Variants in MS4A4A observed in about 807,000 individuals in gnomAD.
MS4A4A encodes the protein membrane spanning 4-domains A4A, also known as membrane-spanning 4-domains subfamily A member 4A.
Under a neutral mutation model 28.0 loss-of-function variants are expected in MS4A4A, and 26 were observed. The ratio of observed to expected loss-of-function variants is 0.93; its 90% CI spans 0.68 to 1.29. MS4A4A has a LOEUF of 1.29. MS4A4A is among the 50% of genes most tolerant of loss of function. The probability of loss-of-function intolerance (pLI) is 0.00; values close to 1 mark genes in which losing one functional copy is unlikely to be tolerated. For missense variants in MS4A4A, 290 were observed against 293.1 expected, an observed-to-expected ratio of 0.99 and a Z score of 0.08; for synonymous variants, 86 against 100.8, an observed-to-expected ratio of 0.85 and a Z score of 0.88.
At chr11:60,280,918 G>T (rs926255681) in intron 1 of MS4A4A, among the ~76,000 whole-genome samples, 1 of 152,090 alleles carries the variant, frequency 6.6e-6, no homozygotes, top group African/African-American at 2.4e-5. Flanking sequence ...TGCTACAGTC[G>T]ATAGGAGTTA....
chr11:60,296,982 G>A (rs2084910897), intron 2 of MS4A4A: 6 of 538,736 alleles, frequency 1.1e-5, no homozygotes, highest in Admixed American at 6.8e-5. Flanking sequence ...TTTTAACCTT[G>A]AAATTATTGG....
At chr11:60,291,936 C>T (rs1024867002) in intron 1 of MS4A4A, among the ~76,000 whole-genome samples, 1 of 152,008 alleles carries the variant, frequency 6.6e-6, no homozygotes, top group African/African-American at 2.4e-5. Flanking sequence ...AGAAATTTCT[C>T]TAATTTTAGA....
intron 1 of MS4A4A, among the ~76,000 whole-genome samples, chr11:60,291,561 A>G (rs1370923014): frequency 6.6e-6 from 1 of 152,128 alleles, no homozygotes; most frequent in Non-Finnish European, 1.5e-5. Context: ...GCACTTTGGG[A>G]GGCCGAGGCG....
intron 1 of MS4A4A, among the ~76,000 whole-genome samples, chr11:60,289,476 C>G (rs1375931207): frequency 1.3e-5 from 2 of 152,038 alleles, no homozygotes; most frequent in East Asian, 3.9e-4. Flanking sequence ...TCCTGGGTTT[C>G]TATGATCTAC....
At chr11:60,285,284 A>G (rs2084794328) in intron 1 of MS4A4A, among the ~76,000 whole-genome samples, 1 of 152,180 alleles carries the variant, frequency 6.6e-6, no homozygotes, top group South Asian at 2.1e-4. Context: ...CGGGAAGATC[A>G]CTTGAGCCCT....
At chr11:60,294,892 A>AGTACTACTTCTTCTTCTTCTTCTTCTT (rs370161592) in intron 2 of MS4A4A, among the ~76,000 whole-genome samples, 5 of 130,942 alleles carry the variant, frequency 3.8e-5, no homozygotes, top group Middle Eastern at 4.0e-3. Context: ...TACAACTACT[A>AGTACTACTTCTTCTTCTTCTTCTTCTT]CTTCTTCTTC....
At chr11:60,285,683 T>C (rs796688059) in intron 1 of MS4A4A, among the ~76,000 whole-genome samples, 1 of 152,046 alleles carries the variant, frequency 6.6e-6, no homozygotes, top group South Asian at 2.1e-4. Context: ...AAGTTTTTAT[T>C]AGGGATTTCA....
chr11:60,293,954 A>G (rs753893628), intron 2 of MS4A4A, among the ~76,000 whole-genome samples: 4 of 152,232 alleles, frequency 2.6e-5, no homozygotes, highest in East Asian at 3.8e-4. Flanking sequence ...ATGTGTGGAC[A>G]TAAGTTTTTC....
intron 1 of MS4A4A, chr11:60,290,177 G>A (rs1040581821): frequency 2.6e-6 from 1 of 379,140 alleles, no homozygotes; most frequent in Admixed American, 2.7e-5. Context: ...ATGATTCTCA[G>A]AACTATACTT....
intron 5 of MS4A4A, among the ~76,000 whole-genome samples, chr11:60,303,744 C>CTGCAAAT (rs1481973272): frequency 1.3e-5 from 2 of 152,126 alleles, no homozygotes; most frequent in Non-Finnish European, 2.9e-5. Context: ...TTTTGAACAC[C>CTGCAAAT]TGCAAATTTT....
Sources: allele counts gnomAD v4.1 joint callset (sites outside exome capture counted in the v4.1 genomes callset), GRCh38; gene constraint gnomAD v4.1.1; transcripts MANE v1.5; gene names NCBI Gene and HGNC (gene_info 2026-07-23, HGNC 2026-07-21).